The following GOLGA3 variants were observed in gnomAD, a reference collection of about 807,000 sequenced individuals.
GOLGA3 encodes the protein golgin subfamily A member 3.
In GOLGA3, 75 loss-of-function variants were observed where a neutral mutation model predicts 169.4. The ratio of observed to expected loss-of-function variants is 0.44; its 90% CI spans 0.37 to 0.54. The LOEUF (loss-of-function observed/expected upper bound fraction) is 0.54, where lower values mean the gene tolerates loss of function less well. GOLGA3 is among the 20% of genes least tolerant of loss of function. GOLGA3 has a pLI of 0.00. For synonymous variants in GOLGA3, 824 were observed against 822.4 expected, an observed-to-expected ratio of 1.00 and a Z score of -0.03; for missense variants, 1,899 against 1,930.0, an observed-to-expected ratio of 0.98 and a Z score of 0.30.
chr12:132,799,949 C>G (rs921911324), intron 8 of GOLGA3, among the ~76,000 whole-genome samples: 17 of 152,246 alleles, frequency 1.1e-4, no homozygotes, highest in Admixed American at 3.3e-4. Flanking sequence ...CTATGTTGGC[C>G]AGGCTGGTCT....
At chr12:132,774,025 G>A (rs1278401872) in intron 23 of GOLGA3, 132 bp downstream of exon 23, 12 of 752,580 alleles carry the variant, frequency 1.6e-5, no homozygotes, top group Admixed American at 3.0e-5. Context: ...CTATGTATGC[G>A]AGTCCCCCAC....
At chr12:132,815,199 C>A (rs1433521600) in intron 3 of GOLGA3, among the ~76,000 whole-genome samples, 3 of 152,202 alleles carry the variant, frequency 2.0e-5, no homozygotes, top group Non-Finnish European at 4.4e-5. Flanking sequence ...GATGGCTAGA[C>A]CGTAAGTGGC....
chr12:132,783,920 G>T, intron 16 of GOLGA3: 1 of 1,434,106 alleles, frequency 7.0e-7, no homozygotes, highest in Non-Finnish European at 9.1e-7. Context: ...ACTGAGAAGG[G>T]TTCCACTATG....
chr12:132,788,620 G>A (rs569603540), intron 13 of GOLGA3, among the ~76,000 whole-genome samples: 4 of 152,278 alleles, frequency 2.6e-5, no homozygotes, highest in East Asian at 3.9e-4. Flanking sequence ...CAGGGTCCCC[G>A]GGCCCCGACG....
chr12:132,808,755 A>G (rs1949552827), intron 4 of GOLGA3, among the ~76,000 whole-genome samples: 1 of 152,166 alleles, frequency 6.6e-6, no homozygotes, highest in Admixed American at 6.5e-5. Context: ...TCTAGTGACC[A>G]GCATGACCAC....
chr12:132,809,043 G>A (rs1229211572), intron 4 of GOLGA3, among the ~76,000 whole-genome samples: 3 of 152,228 alleles, frequency 2.0e-5, no homozygotes, highest in African/African-American at 7.2e-5. Context: ...CAAGGCAGAA[G>A]GGGCAGGGTA....
chr12:132,777,865 G>A lies in GOLGA3; in HGVS notation c.3583-60C>T. On this transcript the variant is annotated intron_variant, in intron 18 of 23. Transcript: ENST00000450791. The surrounding 1 kb of genome is among the most constrained non-coding windows in gnomAD (Gnocchi z 4.7). Reference sequence around the variant, plus strand: ...CGTGACACCCACAGCTTTATGACGTGCCGGGCGCAGGGGGTGAATGCACTC... The same window carrying A: ...CGTGACACCCACAGCTTTATGACGTACCGGGCGCAGGGGGTGAATGCACTC... 1 of 1,582,728 alleles carries A rather than the reference G, an allele frequency of 6.3e-7. No homozygotes were observed. The highest frequency in any genetic ancestry group is 1.1e-5 in the South Asian group (1 of 87,434).
At chr12:132,816,885 G>A (rs1949982551) in intron 2 of GOLGA3, 73 bp from the exon 3 acceptor site, 3 of 1,325,146 alleles carry the variant, frequency 2.3e-6, no homozygotes, top group Non-Finnish European at 3.1e-6. Flanking sequence ...ACATGCAGCT[G>A]GAGTAGGAGA....
chr12:132,821,817 G>A (rs1274939581), intron 2 of GOLGA3, among the ~76,000 whole-genome samples, 179 bp downstream of exon 2: 1 of 136,872 alleles, frequency 7.3e-6, no homozygotes, highest in Non-Finnish European at 1.6e-5. Context: ...TCACGCCACT[G>A]CAGTCCAGCC....
At chr12:132,786,893 C>A (rs1431407134) in intron 13 of GOLGA3, 106 bp from the exon 14 acceptor site, 2 of 767,860 alleles carry the variant, frequency 2.6e-6, no homozygotes, top group Non-Finnish European at 4.5e-6. Context: ...CTCAGGCTCG[C>A]CCTGGAGGAC....
intron 22 of GOLGA3, 63 bp from the exon 23 acceptor site, chr12:132,774,383 C>CTGTGCTAGTGAG: frequency 6.3e-7 from 1 of 1,583,684 alleles, no homozygotes; most frequent in Non-Finnish European, 8.6e-7. Flanking sequence ...GTCTCACTAG[C>CTGTGCTAGTGAG]ACAGCTTGTG....
In GOLGA3 at chr12:132,773,183, C is replaced by T. The variant is rs777921874; in HGVS notation, c.4419G>A (p.Pro1473=). The change falls in exon 24 of 24, where the codon CCG becomes CCA. Residue 1473 remains proline (P), a synonymous_variant. Coordinates refer to ENST00000450791, the MANE Select transcript of GOLGA3 (RefSeq NM_001389683.1). The stretch of plus-strand genomic sequence containing the variant: ...CGCCGCGTGGGCCGGCGTGACCCCC[C>T]GGGGGCACAGGGCTGGCAGTGGCTG... ...LEPATASPVP[P]GGHAGPRGDP... The T allele has an allele frequency of 1.7e-5, 27 of 1,585,914 alleles. No homozygotes were observed. Among genetic ancestry groups the T allele is most frequent in the Middle Eastern group, 1.7e-4 (1 of 5,992 alleles).
At chr12:132,783,818 C>T (rs1015146050) in intron 16 of GOLGA3, 57 of 1,028,860 alleles carry the variant, frequency 5.5e-5, no homozygotes, top group South Asian at 3.5e-4. Context: ...CCTCATGATC[C>T]GCCCACCTCA....
intron 2 of GOLGA3, among the ~76,000 whole-genome samples, chr12:132,818,653 A>C (rs1287404084): frequency 6.6e-6 from 1 of 152,256 alleles, no homozygotes; most frequent in Non-Finnish European, 1.5e-5. Flanking sequence ...ACAGCTGACA[A>C]TCTTTCTAGC....
intron 23 of GOLGA3, among the ~76,000 whole-genome samples, chr12:132,773,628 A>G (rs952140768): frequency 2.0e-5 from 3 of 152,132 alleles, no homozygotes; most frequent in African/African-American, 7.2e-5. Flanking sequence ...CAGGTGCACC[A>G]TGTGTGGCCT....
chr12:132,794,396 AGTGGCCAACACCAG>A (rs1301198783), intron 11 of GOLGA3, among the ~76,000 whole-genome samples: 2 of 151,464 alleles, frequency 1.3e-5, no homozygotes, highest in Non-Finnish European at 2.9e-5. Context: ...GGCCAGGCAG[AGTGGCCAACACCAG>A]GCAGGCCCAG....
intron 12 of GOLGA3, among the ~76,000 whole-genome samples, chr12:132,789,702 G>A (rs543337773): frequency 2.0e-5 from 3 of 151,618 alleles, no homozygotes; most frequent in Non-Finnish European, 4.4e-5. Context: ...CAGGCCGGGC[G>A]CGGTGGCTCA....
In GOLGA3 at chr12:132,776,866, C is replaced by T. The variant is rs954000035; in HGVS notation, c.3855+92G>A. ...ATCTTTTAATACCATATTCAGAAAA[C>T]CATCACTGTTGCTCCCCAAGCAGGA... is the stretch of plus-strand genomic sequence containing the variant. On this transcript the variant is annotated intron_variant, in intron 20 of 23. Transcript: ENST00000450791. The T allele has an allele frequency of 2.6e-6, 4 of 1,547,202 alleles. No homozygotes were observed. The African/African-American group carries it at 4.1e-5, about 16-fold the overall frequency.
intron 5 of GOLGA3, 59 bp from the exon 6 acceptor site, chr12:132,807,347 C>T (rs1233728959): frequency 5.9e-6 from 5 of 848,114 alleles, no homozygotes; most frequent in Non-Finnish European, 9.2e-6. Context: ...TTTCACACTC[C>T]TCCACATTCT....
Sources: allele counts gnomAD v4.1 joint callset (sites outside exome capture counted in the v4.1 genomes callset), GRCh38; gene constraint gnomAD v4.1.1; non-coding constraint Gnocchi (gnomAD v3.1); transcripts MANE v1.5; gene names NCBI Gene and HGNC (gene_info 2026-07-23, HGNC 2026-07-21).